PTPRD: variants seen among roughly 807,000 people sequenced by gnomAD.
PTPRD encodes receptor-type tyrosine-protein phosphatase delta.
A neutral mutation model predicts 214.5 loss-of-function variants in PTPRD; 34 were observed. The observed-to-expected ratio is 0.16, with a 90% CI of 0.12 to 0.21. The LOEUF (loss-of-function observed/expected upper bound fraction) is 0.21, where lower values mean the gene tolerates loss of function less well. PTPRD is among the 10% of genes least tolerant of loss of function. PTPRD has a pLI of 1.00. For synonymous variants in PTPRD, 1,128 were observed against 845.7 expected, an observed-to-expected ratio of 1.33 and a Z score of -5.79; for missense variants, 2,545 against 2,398.7, an observed-to-expected ratio of 1.06 and a Z score of -1.27.
intron 8 of PTPRD, among the ~76,000 whole-genome samples, chr9:9,566,505 A>G (rs1243824647): frequency 6.6e-6 from 1 of 152,020 alleles, no homozygotes; most frequent in East Asian, 1.9e-4. Context: ...AGGAAAAACA[A>G]TGTAATTCTT....
At chr9:9,858,463 G>A (rs1002276313) in intron 5 of PTPRD, among the ~76,000 whole-genome samples, 1 of 152,068 alleles carries the variant, frequency 6.6e-6, no homozygotes, top group Admixed American at 6.6e-5. Flanking sequence ...TTAATCTATC[G>A]ATGAAGAATG....
At chr9:9,581,103 TA>T (rs1164547569) in intron 7 of PTPRD, among the ~76,000 whole-genome samples, 1 of 152,128 alleles carries the variant, frequency 6.6e-6, no homozygotes, top group African/African-American at 2.4e-5. Flanking sequence ...TACATAACTA[TA>T]TTCTCAGTTT....
At chr9:10,304,875 A>G (rs1411226098) in intron 3 of PTPRD, among the ~76,000 whole-genome samples, 1 of 152,158 alleles carries the variant, frequency 6.6e-6, no homozygotes, top group Non-Finnish European at 1.5e-5. Flanking sequence ...TCAAGCTACC[A>G]TTGACTTTCT....
At chr9:9,632,634 A>C (rs1457673640) in intron 7 of PTPRD, among the ~76,000 whole-genome samples, 1 of 152,070 alleles carries the variant, frequency 6.6e-6, no homozygotes, top group Non-Finnish European at 1.5e-5. Flanking sequence ...AAGGAGAGAT[A>C]GTTCAAATGT....
chr9:8,703,098 G>C (rs1411795914), intron 12 of PTPRD, among the ~76,000 whole-genome samples: 5 of 152,194 alleles, frequency 3.3e-5, no homozygotes, highest in African/African-American at 9.7e-5. Flanking sequence ...GAGCTGGTCA[G>C]ATACCAAATT....
intron 2 of PTPRD, among the ~76,000 whole-genome samples, chr9:10,463,201 T>C (rs2098970752): frequency 6.6e-6 from 1 of 152,074 alleles, no homozygotes; most frequent in African/African-American, 2.4e-5. Context: ...ATACGATAAT[T>C]ATAACTTGTT....
At chr9:9,548,663 A>C (rs1244260969) in intron 8 of PTPRD, among the ~76,000 whole-genome samples, 1 of 151,896 alleles carries the variant, frequency 6.6e-6, no homozygotes, top group African/African-American at 2.4e-5. Flanking sequence ...AGTTAAAAGC[A>C]AAAGTATGAT....
intron 11 of PTPRD, among the ~76,000 whole-genome samples, chr9:8,738,242 T>A (rs1019021444): frequency 4.6e-5 from 7 of 152,202 alleles, no homozygotes; most frequent in African/African-American, 1.7e-4. Context: ...CAAATCACGG[T>A]TTCAAGCGAT....
rs201813289 is a variant in PTPRD at position 10,495,341 on chromosome 9, T to A, written c.-600+117057A>T. Among the ~76,000 whole-genome samples the A allele has an allele frequency of 4.6e-5, 7 of 151,936 alleles. No individual in the cohort carries two copies. In the East Asian group the frequency reaches 1.2e-3, roughly 25 times the overall value. On this transcript the variant is annotated intron_variant, in intron 2 of 45. Transcript: ENST00000381196. ...ACATAAGGAAAGACTGGAGCTTAAA[T>A]AGAAAATCCACTTCACTCAAATCCT...
intron 10 of PTPRD, among the ~76,000 whole-genome samples, chr9:9,095,299 G>GA (rs1030440326): frequency 6.6e-6 from 1 of 151,500 alleles, no homozygotes; most frequent in Non-Finnish European, 1.5e-5. Context: ...TAAATAGAAA[G>GA]AAAAAAATAA....
chr9:10,565,313 T>A (rs1030620377), intron 2 of PTPRD, among the ~76,000 whole-genome samples: 6 of 152,112 alleles, frequency 3.9e-5, no homozygotes. Flanking sequence ...CTTCATCATT[T>A]TAATGCTCTT....
chr9:8,607,630 G>A (rs528016435), intron 14 of PTPRD, among the ~76,000 whole-genome samples: 14 of 152,230 alleles, frequency 9.2e-5, no homozygotes, highest in African/African-American at 3.4e-4. Flanking sequence ...GAGACTGAGC[G>A]AGATTCTGTC....
intron 3 of PTPRD, among the ~76,000 whole-genome samples, chr9:10,087,926 T>C (rs528283171): frequency 2.6e-5 from 4 of 151,876 alleles, no homozygotes; most frequent in African/African-American, 9.6e-5. Flanking sequence ...AGACTACTAA[T>C]ACAGGGTCTA....
intron 3 of PTPRD, among the ~76,000 whole-genome samples, chr9:10,288,646 T>C (rs551934507): frequency 2.6e-5 from 4 of 152,326 alleles, no homozygotes; most frequent in South Asian, 4.1e-4. Flanking sequence ...TCTTATCCTA[T>C]CTAATTAAAG....
intron 12 of PTPRD, among the ~76,000 whole-genome samples, chr9:8,648,330 C>T (rs7341840): frequency 1.3e-5 from 2 of 152,154 alleles, no homozygotes; most frequent in Non-Finnish European, 2.9e-5. Context: ...ATAAAACTTC[C>T]TGAACTATTG....
intron 3 of PTPRD, among the ~76,000 whole-genome samples, chr9:10,308,559 T>C (rs1163234450): frequency 6.6e-6 from 1 of 152,014 alleles, no homozygotes; most frequent in Non-Finnish European, 1.5e-5. Context: ...TTTTGTGGTT[T>C]CATAAAAATT....
intron 11 of PTPRD, among the ~76,000 whole-genome samples, chr9:8,961,867 C>T (rs1439500835): frequency 6.6e-6 from 1 of 151,990 alleles, no homozygotes; most frequent in Admixed American, 6.6e-5. Flanking sequence ...AACATTCACT[C>T]ACCATGACAG....
chr9:10,210,305 T>C (rs1396508478), intron 3 of PTPRD, among the ~76,000 whole-genome samples: 1 of 152,062 alleles, frequency 6.6e-6, no homozygotes, highest in African/African-American at 2.4e-5. Context: ...GAGAAAAAAA[T>C]GTCAGAGAGC....
intron 10 of PTPRD, among the ~76,000 whole-genome samples, chr9:9,137,500 AC>A (rs2099852736): frequency 6.6e-6 from 1 of 151,908 alleles, no homozygotes; most frequent in Non-Finnish European, 1.5e-5. Context: ...GAGATATATA[AC>A]CCCCCTCTTA....
Sources: gnomAD v4.1 joint callset for allele counts (sites outside exome capture counted in the v4.1 genomes callset) on GRCh38, gnomAD v4.1.1 for gene constraint, MANE v1.5 for transcripts, NCBI Gene and HGNC (gene_info 2026-07-23, HGNC 2026-07-21) for gene names.